Variants in DCLRE1C observed in about 807,000 individuals in gnomAD.
DCLRE1C encodes protein artemis.
In DCLRE1C, 47 loss-of-function variants were observed where a neutral mutation model predicts 61.4. The observed-to-expected ratio is 0.77, with a 90% CI of 0.61 to 0.98. The LOEUF is 0.98. Among genes scored for constraint, DCLRE1C ranks in the 50% least tolerant of loss-of-function variants. DCLRE1C has a pLI of 0.00. For synonymous variants in DCLRE1C, 337 were observed against 287.6 expected, an observed-to-expected ratio of 1.17 and a Z score of -1.74; for missense variants, 858 against 816.0, an observed-to-expected ratio of 1.05 and a Z score of -0.63.
In DCLRE1C at chr10:14,934,534, T is replaced by C. The variant is rs1278764632; in HGVS notation, c.538-14A>G. 1 of 1,613,984 alleles carries C rather than the reference T, an allele frequency of 6.2e-7. No homozygotes were observed. The highest frequency in any genetic ancestry group is 8.5e-7 in the Non-Finnish European group (1 of 1,180,020). On this transcript the variant is annotated splice_polypyrimidine_tract_variant and intron_variant, in intron 7 of 13. Transcript: ENST00000378278. ...TAAACACTCCTCCTAGACAGGATTT[T>C]AAAGAGACATTTAACAGGTGGAGAG...
Position 14,936,527 on chromosome 10 carries a change from G to C in DCLRE1C, c.362+11C>G. On this transcript the variant is annotated intron_variant, in intron 5 of 13. Coordinates refer to ENST00000378278, the MANE Select transcript of DCLRE1C (RefSeq NM_001033855.3). Reference sequence around the variant, plus strand: ...CATATAATAAAATGACAAAATAAATGACCCCCTTACATAACTGATCCCGGA... The same window carrying C: ...CATATAATAAAATGACAAAATAAATCACCCCCTTACATAACTGATCCCGGA... 6.2e-7 allele frequency: 1 copy of C among 1,606,040 alleles called. No homozygotes were observed. Among genetic ancestry groups the C allele is most frequent in the South Asian group, 1.1e-5 (1 of 90,816 alleles).
At chr10:14,927,586 A>G (rs1364852888) in intron 10 of DCLRE1C, among the ~76,000 whole-genome samples, 6 of 96,620 alleles carry the variant, frequency 6.2e-5, no homozygotes, top group Non-Finnish European at 1.2e-4. Context: ...GGGGGGAGAA[A>G]GGAGAGGGAG....
intron 13 of DCLRE1C, among the ~76,000 whole-genome samples, chr10:14,916,310 A>G (rs1378679389): frequency 6.6e-6 from 1 of 152,188 alleles, no homozygotes; most frequent in Admixed American, 6.5e-5. Context: ...TACACAAACA[A>G]TGATGATCTT....
chr10:14,920,935 G>GTTGC (rs1836997345), intron 12 of DCLRE1C, among the ~76,000 whole-genome samples: 1 of 151,630 alleles, frequency 6.6e-6, no homozygotes, highest in African/African-American at 2.4e-5. Flanking sequence ...GTGAGCCGAG[G>GTTGC]TTGCACCACT....
intron 3 of DCLRE1C, among the ~76,000 whole-genome samples, chr10:14,940,412 C>A (rs574097712): frequency 6.6e-6 from 1 of 151,972 alleles, no homozygotes; most frequent in Non-Finnish European, 1.5e-5. Flanking sequence ...CCTCAGCCTC[C>A]CAAGTAGCTG....
chr10:14,943,067 C>T (rs895671496), intron 3 of DCLRE1C, among the ~76,000 whole-genome samples: 25 of 151,984 alleles, frequency 1.6e-4, no homozygotes, highest in African/African-American at 3.9e-4. Context: ...ATGGAGGTTG[C>T]GGTGAGCTGA....
At chr10:14,914,507 C>CCCT (rs1474780269) in intron 13 of DCLRE1C, among the ~76,000 whole-genome samples, 1 of 152,204 alleles carries the variant, frequency 6.6e-6, no homozygotes, top group Non-Finnish European at 1.5e-5. Context: ...TGTCAACTAA[C>CCCT]TTAGCCTAGT....
chr10:14,901,269 T>G (rs528122115), downstream of DCLRE1C: 67 of 1,613,494 alleles, frequency 4.2e-5, 1 homozygote, highest in Non-Finnish European at 5.6e-5. Flanking sequence ...AAAGGTATGC[T>G]TTTCAAGTAC....
At position 14,935,504 on chromosome 10, in the gene DCLRE1C, T is replaced by C. The variant is rs143949881; in HGVS notation, c.423A>G (p.Gln141=). 1 of 1,614,134 alleles carries C rather than the reference T, an allele frequency of 6.2e-7. No homozygotes were observed. Among genetic ancestry groups the C allele is most frequent in the Non-Finnish European group, 8.5e-7 (1 of 1,179,996 alleles). Residue 141 remains glutamine (Q), a synonymous_variant, in exon 6 of 14, where the codon CAA becomes CAG. Transcript: ENST00000378278. The part of the protein sequence containing the change: ...VLYTGDFRLA[Q]GEAARMELLH... ...GAAGCTCCATTCTAGCAGCTTCTCC[T>C]TGCGCCAATCTGAAGTCTCCTGTGT...
intron 13 of DCLRE1C, among the ~76,000 whole-genome samples, chr10:14,915,255 T>C (rs1177666034): frequency 3.3e-5 from 5 of 150,836 alleles, no homozygotes; most frequent in African/African-American, 9.7e-5. Context: ...CAAATAAAAT[T>C]CCAAGTAAGC....
intron 13 of DCLRE1C, among the ~76,000 whole-genome samples, chr10:14,913,258 G>A (rs1835594092): frequency 6.6e-6 from 1 of 152,230 alleles, no homozygotes; most frequent in African/African-American, 2.4e-5. Context: ...GGGAGTGACT[G>A]GAAATAGACA....
At chr10:14,954,143 A>G, upstream of DCLRE1C, 1 of 1,494,828 alleles carries the variant, frequency 6.7e-7, no homozygotes, top group Non-Finnish European at 9.1e-7. Flanking sequence ...ACGTCCAATC[A>G]GAGGAGTCCG....
At chr10:14,923,281 A>G (rs888667151) in intron 11 of DCLRE1C, 10 of 541,968 alleles carry the variant, frequency 1.8e-5, no homozygotes, top group Admixed American at 1.2e-4. Context: ...ACTGAGTACT[A>G]GTGGGCCTAG....
intron 9 of DCLRE1C, 142 bp from the exon 10 acceptor site, chr10:14,928,294 A>C (rs1838368500): frequency 1.4e-6 from 1 of 722,344 alleles, no homozygotes; most frequent in Non-Finnish European, 2.2e-6. Flanking sequence ...CAATGTAGAC[A>C]TGAAGAAACA....
intron 3 of DCLRE1C, among the ~76,000 whole-genome samples, chr10:14,940,282 G>A (rs777277678): frequency 2.3e-5 from 3 of 128,134 alleles, no homozygotes; most frequent in African/African-American, 8.8e-5. Flanking sequence ...TTCATACACG[G>A]TTCTTTTATT....
intron 1 of DCLRE1C, 49 bp downstream of exon 1, chr10:14,953,853 C>T (rs1294873555): frequency 6.2e-7 from 1 of 1,610,030 alleles, no homozygotes; most frequent in Non-Finnish European, 8.5e-7. Flanking sequence ...CCTGTCCTCT[C>T]TCCAGCCCCC....
At chr10:14,953,787 C>G (rs1049067639) in intron 1 of DCLRE1C, 115 bp downstream of exon 1, 2 of 1,468,284 alleles carry the variant, frequency 1.4e-6, no homozygotes, top group Non-Finnish European at 1.9e-6. Flanking sequence ...GTGTGCTGGC[C>G]GCCCCCTCGC....
At position 14,934,790 on chromosome 10, in the gene DCLRE1C, A is replaced by T. The variant is rs1839627944; in HGVS notation, c.465-15T>A. On this transcript the variant is annotated splice_polypyrimidine_tract_variant and intron_variant, in intron 6 of 13. Transcript: ENST00000378278. The stretch of plus-strand genomic sequence containing the variant: ...TGTCTTTGACTCTGAAAAGAAAAAA[A>T]ATTGATGTTAGCCATCCAATGTGAT... 6.3e-7 allele frequency: 1 copy of T among 1,587,526 alleles called. No homozygotes were observed. Among genetic ancestry groups the T allele is most frequent in the Non-Finnish European group, 8.7e-7 (1 of 1,155,816 alleles).
At chr10:14,951,877 T>TAGTCCATATCATATGAATTTTGG (rs1842515644) in intron 1 of DCLRE1C, among the ~76,000 whole-genome samples, 1 of 151,908 alleles carries the variant, frequency 6.6e-6, no homozygotes, top group African/African-American at 2.4e-5. Context: ...ATGAATTTTG[T>TAGTCCATATCATATGAATTTTGG]GGAGATAGTC....
Sources: gnomAD v4.1 joint callset for allele counts (sites outside exome capture counted in the v4.1 genomes callset) on GRCh38, gnomAD v4.1.1 for gene constraint, MANE v1.5 for transcripts, NCBI Gene and HGNC (gene_info 2026-07-23, HGNC 2026-07-21) for gene names.